SLC22A5: variants seen among roughly 807,000 people sequenced by gnomAD.
SLC22A5 encodes the protein solute carrier family 22 member 5.
In SLC22A5, 44 loss-of-function variants were observed where a neutral mutation model predicts 56.7. The observed-to-expected ratio is 0.78, with a 90% CI of 0.61 to 1.00. The LOEUF is 1.00. Among genes scored for constraint, SLC22A5 ranks in the 50% least tolerant of loss-of-function variants. The pLI is 0.00. For missense variants in SLC22A5, 675 were observed against 723.0 expected (o/e 0.93, Z 0.76); for synonymous variants, 278 against 292.1 (o/e 0.95, Z 0.49).
intron 6 of SLC22A5, 98 bp downstream of exon 6, chr5:132,389,119 C>T (rs754793579): frequency 1.2e-5 from 9 of 775,974 alleles, no homozygotes; most frequent in Admixed American, 5.7e-5. Flanking sequence ...AAATTCAAAG[C>T]CTATGTCATC....
intron 6 of SLC22A5, chr5:132,390,383 G>T (rs1752657402): frequency 4.7e-6 from 2 of 424,516 alleles, no homozygotes; most frequent in South Asian, 4.4e-5. Context: ...AAGCTGAAAG[G>T]CAGGTTGGAA....
At chr5:132,393,434 C>T (rs770014300) in intron 8 of SLC22A5, among the ~76,000 whole-genome samples, 2 of 152,156 alleles carry the variant, frequency 1.3e-5, no homozygotes, top group South Asian at 2.1e-4. Flanking sequence ...CTACTGCAAC[C>T]GCCCCTTTGT....
Position 132,394,192 on chromosome 5 carries a change from C to A in SLC22A5, c.1594C>A (p.His532Asn). ...TTTTGCTTGTTTTTATAGAATGAAACACAGAAAAACTCCAAGTCACACAAG... is the reference window on the plus strand; with the variant it reads ...TTTTGCTTGTTTTTATAGAATGAAAAACAGAAAAACTCCAAGTCACACAAG... The part of the protein sequence containing the change: ...DQMLRVKGMK[H>N]RKTPSHTRML... Residue 532 changes from histidine to asparagine, a missense_variant, in exon 10 of 10, where the codon CAC (histidine) becomes AAC (asparagine). Coordinates refer to ENST00000245407, the MANE Select transcript of SLC22A5 (RefSeq NM_003060.4). 1 of 1,611,160 alleles carries A rather than the reference C, an allele frequency of 6.2e-7. No homozygotes were observed. The highest frequency in any genetic ancestry group is 8.5e-7 in the Non-Finnish European group (1 of 1,177,286).
chr5:132,385,208 A>G lies in SLC22A5; in HGVS notation c.653-120A>G, dbSNP rs371233794. The G allele has an allele frequency of 6.4e-6, 6 of 940,362 alleles. No homozygotes were observed. In the South Asian group the frequency reaches 6.6e-5, roughly 10 times the overall value. 58.3% of individuals were successfully genotyped at this position (940,362 alleles called of 1,614,324 possible). A position where few individuals can be genotyped will look rare whatever the true frequency, so the allele number is the denominator to read the frequency against. ...AGAACGCCATCCGCTCCCTAGCGCC[A>G]TGAACTTAGAGAGAGTTCTCGCTGT... On this transcript the variant is annotated intron_variant, in intron 3 of 9. Transcript: ENST00000245407.
intron 3 of SLC22A5, 140 bp downstream of exon 3, chr5:132,384,441 C>A: frequency 1.1e-6 from 1 of 924,466 alleles, no homozygotes; most frequent in African/African-American, 1.6e-5. Flanking sequence ...CCTGGTGAAC[C>A]TTACTTACAG....
At chr5:132,388,420 G>A (rs1327360687) in intron 5 of SLC22A5, among the ~76,000 whole-genome samples, 2 of 152,172 alleles carry the variant, frequency 1.3e-5, no homozygotes, top group Non-Finnish European at 2.9e-5. Flanking sequence ...TGAAGCTCAG[G>A]TCAATTTTCC....
rs745313662 is a variant in SLC22A5, at chr5:132,370,132, G to A, written c.160G>A (p.Asp54Asn). The A allele has an allele frequency of 1.4e-5, 23 of 1,610,436 alleles. No homozygotes were observed. Among genetic ancestry groups the A allele is most frequent in the Non-Finnish European group, 1.8e-5 (21 of 1,178,840 alleles). ...CCCGGAGCACCGCTGCCGGGTGCCG[G>A]ACGCCGCGAACCTGAGCAGCGCCTG... ...ATPEHRCRVP[D>N]AANLSSAWRN... Residue 54 changes from aspartate to asparagine, a missense_variant, in exon 1 of 10, where the codon GAC becomes AAC. Physicochemically the swap from Asp to Asn is conservative, Grantham distance 23. Transcript: ENST00000245407.
chr5:132,371,557 C>G (rs1274963352), intron 1 of SLC22A5, among the ~76,000 whole-genome samples: 1 of 152,114 alleles, frequency 6.6e-6, no homozygotes, highest in Admixed American at 6.5e-5. Context: ...CACTGGCACT[C>G]TAGCTCCCTG....
intron 2 of SLC22A5, chr5:132,379,790 A>AT (rs755711246): frequency 2.0e-5 from 3 of 152,066 alleles, no homozygotes; most frequent in South Asian, 2.1e-4. Context: ...GCCCAGCCAG[A>AT]TTTTTTTTTA....
chr5:132,378,006 T>A, intron 1 of SLC22A5: 1 of 1,204,262 alleles, frequency 8.3e-7, no homozygotes, highest in Non-Finnish European at 1.1e-6. Context: ...TTCATGCCAA[T>A]GGCCTGAACC....
rs777083211 is a variant in SLC22A5, at chr5:132,378,389, G to A, written c.405G>A (p.Val135=). The A allele has an allele frequency of 3.7e-6, 6 of 1,614,072 alleles. No homozygotes were observed. In the Admixed American group the frequency reaches 6.7e-5, roughly 18 times the overall value. ...TGCTCATCTTGCAGTGGAACCTGGT[G>A]TGTGAGGACGACTGGAAGGCCCCAC... The part of the protein sequence containing the change: ...LSTIVTEWNL[V]CEDDWKAPLT... The change falls in exon 2 of 10, where the codon GTG becomes GTA. Residue 135 remains valine (V), a synonymous_variant. Transcript: ENST00000245407.
In SLC22A5 at chr5:132,384,192, A is replaced by G; in HGVS notation, c.543A>G (p.Thr181=). 1.2e-6 allele frequency: 2 copies of G among 1,614,234 alleles called. No individual in the cohort carries two copies. The highest frequency in any genetic ancestry group is 1.7e-6 in the Non-Finnish European group (2 of 1,180,040). ...TGTTCGTGACCATGGGCATGCAGAC[A>G]GGCTTCAGCTTCCTGCAGATCTTCT... ...NVLFVTMGMQ[T]GFSFLQIFSK... The change falls in exon 3 of 10, where the codon ACA becomes ACG. Residue 181 remains threonine, a synonymous_variant. Coordinates refer to ENST00000245407, the MANE Select transcript of SLC22A5 (RefSeq NM_003060.4).
At chr5:132,381,702 G>A (rs552447949) in intron 2 of SLC22A5, 13 of 152,200 alleles carry the variant, frequency 8.5e-5, no homozygotes, top group Non-Finnish European at 1.5e-4. Flanking sequence ...ATCTTTATGC[G>A]TCTGACTTGT....
chr5:132,387,640 A>G (rs2126786851), intron 5 of SLC22A5, among the ~76,000 whole-genome samples: 1 of 152,258 alleles, frequency 6.6e-6, no homozygotes, highest in South Asian at 2.1e-4. Flanking sequence ...AAAAGTGTTT[A>G]GTCTCTTTCT....
rs1254200528 is a variant in SLC22A5 at position 132,370,297 on chromosome 5, G to C, written c.325G>C (p.Glu109Gln). 1.2e-6 allele frequency: 2 copies of C among 1,610,054 alleles called. No individual in the cohort carries two copies. Among genetic ancestry groups the C allele is most frequent in the South Asian group, 2.2e-5 (2 of 90,478 alleles). ...PGRDVDLGQL[E>Q]QESCLDGWEF... The stretch of plus-strand genomic sequence containing the variant: ...GCGCGACGTGGACCTGGGGCAGCTG[G>C]AGCAGGAGAGCTGTCTGGATGGCTG... The change falls in exon 1 of 10, where the codon GAG becomes CAG. Residue 109 changes from glutamate (E) to glutamine (Q), a missense_variant. By Grantham distance (29) the Glu-to-Gln change is conservative. Coordinates refer to ENST00000245407, the MANE Select transcript of SLC22A5 (RefSeq NM_003060.4).
chr5:132,389,011 A>C lies in SLC22A5; in HGVS notation c.1042A>C (p.Ile348Leu), dbSNP rs779808817. The change falls in exon 6 of 10, where the codon ATA becomes CTA. Residue 348 changes from isoleucine to leucine, a missense_variant. Ile to Leu is a conservative substitution (Grantham distance 5). Transcript: ENST00000245407. Reference sequence around the variant, plus strand: ...TATCCGGATGGTCACCATCATGTCCATAATGCTGTGGTATGTAAAAGAGAC... The same window carrying C: ...TATCCGGATGGTCACCATCATGTCCCTAATGCTGTGGTATGTAAAAGAGAC... ...WNIRMVTIMSIMLWMTISVGY... is the reference protein window; with the variant it reads ...WNIRMVTIMSLMLWMTISVGY... The C allele has an allele frequency of 6.2e-7, 1 of 1,610,670 alleles. No homozygotes were observed. The highest frequency in any genetic ancestry group is 8.5e-7 in the Non-Finnish European group (1 of 1,176,832).
chr5:132,393,585 C>A, intron 8 of SLC22A5, 91 bp from the exon 9 acceptor site: 1 of 1,420,102 alleles, frequency 7.0e-7, no homozygotes, highest in Non-Finnish European at 9.9e-7. Context: ...GAAAGTGATC[C>A]CCTTCCAGAG....
In SLC22A5 at chr5:132,394,336, T is replaced by A; in HGVS notation, c.*64T>A. 8.4e-7 allele frequency: 1 copy of A among 1,188,386 alleles called. No individual in the cohort carries two copies. Among genetic ancestry groups the A allele is most frequent in the Non-Finnish European group, 1.3e-6 (1 of 795,446 alleles). 73.6% of individuals were successfully genotyped at this position (1,188,386 alleles called of 1,614,324 possible). ...TGTCTTGCCAGAAATGGCCAGCTTGTGCAGACTCCGAGTCCTTCAGTGACA... is the reference window on the plus strand; with the variant it reads ...TGTCTTGCCAGAAATGGCCAGCTTGAGCAGACTCCGAGTCCTTCAGTGACA... On this transcript the variant is annotated 3_prime_UTR_variant, in exon 10 of 10. Transcript: ENST00000245407.
At chr5:132,393,601 G>A in intron 8 of SLC22A5, 75 bp from the exon 9 acceptor site, 2 of 1,537,712 alleles carry the variant, frequency 1.3e-6, no homozygotes, top group South Asian at 1.1e-5. Context: ...CAGAGTCCTG[G>A]GAGCATAAAG....
Sources: allele counts gnomAD v4.1 joint callset (sites outside exome capture counted in the v4.1 genomes callset), GRCh38; gene constraint gnomAD v4.1.1; transcripts MANE v1.5; gene names NCBI Gene and HGNC (gene_info 2026-07-23, HGNC 2026-07-21).